The following GNA12 variants were observed in gnomAD, a reference collection of about 807,000 sequenced individuals.
GNA12 encodes guanine nucleotide-binding protein subunit alpha-12.
Under a neutral mutation model 26.0 loss-of-function variants are expected in GNA12, and 9 were observed. That is an observed-to-expected ratio of 0.35 (90% CI 0.21 to 0.60). The LOEUF is 0.60. Ranked by LOEUF, GNA12 falls within the 20% of genes least tolerant of loss-of-function variation. GNA12 has a pLI of 0.78. For synonymous variants in GNA12, 264 were observed against 219.6 expected, an observed-to-expected ratio of 1.20 and a Z score of -1.79; for missense variants, 405 against 525.8, an observed-to-expected ratio of 0.77 and a Z score of 2.25.
At chr7:2,840,017 A>ATTCACTG (rs1433704492) in intron 1 of GNA12, among the ~76,000 whole-genome samples, 1 of 152,194 alleles carries the variant, frequency 6.6e-6, no homozygotes, top group Non-Finnish European at 1.5e-5. Context: ...AGAATAGATT[A>ATTCACTG]TTCACTGCCA....
intron 1 of GNA12, among the ~76,000 whole-genome samples, chr7:2,803,787 A>G (rs1287743099): frequency 6.6e-6 from 1 of 151,844 alleles, no homozygotes; most frequent in Non-Finnish European, 1.5e-5. Context: ...GGTTTTCCTA[A>G]AAGTCCAAAA....
chr7:2,784,578 A>G (rs772919568), intron 2 of GNA12, among the ~76,000 whole-genome samples: 17 of 152,240 alleles, frequency 1.1e-4, no homozygotes, highest in Non-Finnish European at 2.4e-4. Flanking sequence ...CCTGAGACCC[A>G]ATCAGCCCAA....
At chr7:2,771,591 C>T (rs576175605) in intron 2 of GNA12, among the ~76,000 whole-genome samples, 1 of 152,146 alleles carries the variant, frequency 6.6e-6, no homozygotes, top group East Asian at 1.9e-4. Flanking sequence ...GCACTTGGCA[C>T]AATTCTTTCC....
intron 2 of GNA12, among the ~76,000 whole-genome samples, chr7:2,780,077 T>C (rs901158227): frequency 5.7e-5 from 6 of 105,770 alleles, no homozygotes; most frequent in African/African-American, 3.2e-5. Context: ...TATATATATA[T>C]ATATATATAT....
intron 1 of GNA12, among the ~76,000 whole-genome samples, chr7:2,811,315 T>C (rs1304889205): frequency 6.6e-6 from 1 of 152,184 alleles, no homozygotes; most frequent in African/African-American, 2.4e-5. Context: ...ACAGCGACTG[T>C]GCTGCAAGCG....
intron 2 of GNA12, among the ~76,000 whole-genome samples, chr7:2,765,726 G>T (rs1791780621): frequency 2.6e-5 from 4 of 152,034 alleles, no homozygotes; most frequent in Admixed American, 2.6e-4. Context: ...CGCCTCCTGG[G>T]TTCAAGCGAT....
rs1792693262 is a variant in GNA12 at position 2,797,027 on chromosome 7, T to C, written c.310-1884A>G. 2.0e-5 allele frequency among the ~76,000 whole-genome samples: 3 copies of C among 152,204 alleles called. No individual in the cohort carries two copies. In the South Asian group the frequency reaches 6.2e-4, roughly 32 times the overall value. Reference sequence around the variant, plus strand: ...CCCTGAGAAGGCTATCAAGTACACATCTGTCCATCTGGAAAAGCCTTCTCA... The same window carrying C: ...CCCTGAGAAGGCTATCAAGTACACACCTGTCCATCTGGAAAAGCCTTCTCA... On this transcript the variant is annotated intron_variant, in intron 1 of 3. Transcript: ENST00000275364.
Position 2,836,117 on chromosome 7 carries a change from T to C in GNA12, c.309+7736A>G, listed in dbSNP as rs1479167182. The C allele has an allele frequency of 3.0e-5, 6 of 202,636 alleles. No homozygotes were observed. The South Asian group carries it at 3.4e-4, about 11-fold the overall frequency. The allele number at this position is 202,636 out of a possible 1,614,324, so 12.6% of individuals were successfully genotyped here. ...ACTAGAAAGTCTTACTGGCAATCTT[T>C]ACAAAAAAATCAAAGCAACTAGTAG... On this transcript the variant is annotated intron_variant, in intron 1 of 3. Transcript: ENST00000275364.
chr7:2,784,078 C>A (rs577998286), intron 2 of GNA12, among the ~76,000 whole-genome samples: 2 of 152,286 alleles, frequency 1.3e-5, no homozygotes, highest in East Asian at 3.9e-4. Flanking sequence ...AGCTGGAAAT[C>A]ATTTTTATCT....
chr7:2,768,495 G>C (rs999239636), intron 2 of GNA12, among the ~76,000 whole-genome samples: 2 of 151,972 alleles, frequency 1.3e-5, no homozygotes, highest in African/African-American at 4.8e-5. Context: ...TCACATCCTA[G>C]AGTCCTGAGA....
At chr7:2,768,957 G>A (rs563968231) in intron 2 of GNA12, among the ~76,000 whole-genome samples, 5 of 152,204 alleles carry the variant, frequency 3.3e-5, no homozygotes, top group African/African-American at 9.6e-5. Context: ...ATGGAGTCTC[G>A]CTCCGTTGTC....
rs560119045 is a variant in GNA12 at position 2,835,917 on chromosome 7, C to T, written c.309+7936G>A. On this transcript the variant is annotated intron_variant, in intron 1 of 3. Coordinates refer to ENST00000275364, the MANE Select transcript of GNA12 (RefSeq NM_007353.3). ...ATAAAAATTTGCAAGAAGCAACTGA[C>T]GCCTTAGAATCCAAAGTCGAAGCAA... The T allele has an allele frequency of 2.3e-3, 1,225 of 533,608 alleles. 2 individuals carry two copies. The highest frequency in any genetic ancestry group is 3.6e-3 in the Non-Finnish European group (999 of 279,712). 33.1% of individuals were successfully genotyped at this position (533,608 alleles called of 1,614,324 possible).
intron 2 of GNA12, among the ~76,000 whole-genome samples, chr7:2,773,174 T>C (rs575066477): frequency 6.6e-6 from 1 of 152,292 alleles, no homozygotes; most frequent in African/African-American, 2.4e-5. Context: ...TTCACGTGGG[T>C]GGTGGCTGTG....
At chr7:2,803,821 C>T (rs76435281) in intron 1 of GNA12, among the ~76,000 whole-genome samples, 7,900 of 150,470 alleles carry the variant, frequency 0.053, 330 homozygotes, top group South Asian at 0.13. Context: ...AACAAACAAA[C>T]AAAAAAACAA....
At chr7:2,738,677 T>C (rs1489759671) in intron 2 of GNA12, among the ~76,000 whole-genome samples, 1 of 152,020 alleles carries the variant, frequency 6.6e-6, no homozygotes, top group African/African-American at 2.4e-5. Context: ...TGAGTATGTC[T>C]GACTTTGGAA....
chr7:2,808,532 G>A (rs933269039), intron 1 of GNA12, among the ~76,000 whole-genome samples: 1 of 152,156 alleles, frequency 6.6e-6, no homozygotes, highest in Non-Finnish European at 1.5e-5. Context: ...GACCTGGGCC[G>A]CACAGGAGGA....
At chr7:2,809,755 G>A (rs1485556709) in intron 1 of GNA12, among the ~76,000 whole-genome samples, 3 of 152,196 alleles carry the variant, frequency 2.0e-5, no homozygotes, top group South Asian at 2.1e-4. Flanking sequence ...GACTGATAGC[G>A]TTTAATAGAA....
chr7:2,757,129 C>CTTTTTTTTT lies in GNA12; in HGVS notation c.526-23637_526-23629dup, dbSNP rs71026549. Among the ~76,000 whole-genome samples the CTTTTTTTTT allele has an allele frequency of 1.2e-3, 116 of 93,980 alleles. 2 individuals carry two copies. Among genetic ancestry groups the CTTTTTTTTT allele is most frequent in the African/African-American group, 4.1e-3 (94 of 23,000 alleles). 61.7% of individuals were successfully genotyped at this position (93,980 alleles called of 152,430 possible). A position where few individuals can be genotyped will look rare whatever the true frequency, so the allele number is the denominator to read the frequency against. ...GCAGGCCCGATCTAATCAGGTGGGCCTTTTTTTTTTTTTTTTTTTTTTTTG... is the reference window on the plus strand; with the variant it reads ...GCAGGCCCGATCTAATCAGGTGGGCCTTTTTTTTTTTTTTTTTTTTTTTTTTTTTTTTTG... On this transcript the variant is annotated intron_variant, in intron 2 of 3. Coordinates refer to ENST00000275364, the MANE Select transcript of GNA12 (RefSeq NM_007353.3).
chr7:2,739,737 G>A (rs530723944), intron 2 of GNA12, among the ~76,000 whole-genome samples: 1 of 152,200 alleles, frequency 6.6e-6, no homozygotes, highest in African/African-American at 2.4e-5. Flanking sequence ...GTAGTGGTGC[G>A]ATCTTGGCTC....
Sources: allele counts gnomAD v4.1 joint callset (sites outside exome capture counted in the v4.1 genomes callset), GRCh38; gene constraint gnomAD v4.1.1; transcripts MANE v1.5; gene names NCBI Gene and HGNC (gene_info 2026-07-23, HGNC 2026-07-21).